ZNF618: variants seen among roughly 807,000 people sequenced by gnomAD.
The protein encoded by ZNF618 is zinc finger protein 618.
ZNF618 carries 34 observed loss-of-function variants against 103.0 expected under a neutral mutation model. The observed-to-expected ratio is 0.33, with a 90% CI of 0.25 to 0.44. ZNF618 has a LOEUF of 0.44. Ranked by LOEUF, ZNF618 falls within the 20% of genes least tolerant of loss-of-function variation. The pLI, the probability that ZNF618 is intolerant of heterozygous loss-of-function variation, is 1.00. For synonymous variants in ZNF618, 551 were observed against 542.2 expected, an observed-to-expected ratio of 1.02 and a Z score of -0.23; for missense variants, 1,059 against 1,295.4, an observed-to-expected ratio of 0.82 and a Z score of 2.80.
intron 3 of ZNF618, among the ~76,000 whole-genome samples, chr9:113,994,736 T>G (rs994686334): frequency 3.3e-5 from 5 of 152,152 alleles, no homozygotes; most frequent in African/African-American, 1.2e-4. Context: ...CTCAGGACAT[T>G]GATGCCTCTG....
At chr9:113,900,949 CG>C in intron 1 of ZNF618, among the ~76,000 whole-genome samples, 3 of 58,972 alleles carry the variant, frequency 5.1e-5, no homozygotes, top group Admixed American at 2.1e-4. Context: ...TCCTCTCCCG[CG>C]AACCCGACCT....
intron 1 of ZNF618, among the ~76,000 whole-genome samples, chr9:113,944,622 A>C (rs1255687136): frequency 6.6e-6 from 1 of 152,198 alleles, no homozygotes; most frequent in Non-Finnish European, 1.5e-5. Flanking sequence ...ATCTAATAGA[A>C]ATGTCATGCA....
At position 114,028,968 on chromosome 9, in the gene ZNF618, C is replaced by T. The variant is rs757751131; in HGVS notation, c.1080C>T (p.Thr360=). The change falls in exon 11 of 15, where the codon ACC becomes ACT. Residue 360 remains threonine, a synonymous_variant. Coordinates refer to ENST00000374126, the MANE Select transcript of ZNF618 (RefSeq NM_001318042.2). ...CGGGATCTCCGGCGAGCAAGGCAAC[C>T]GCAGGTACCAATGGCCTATGTGACC... is the stretch of plus-strand genomic sequence containing the variant. The part of the protein sequence containing the change: ...PNSGSPASKA[T]AAESAFSRRV... 5.8e-6 allele frequency: 9 copies of T among 1,550,242 alleles called. 1 individual carries two copies. The highest frequency in any genetic ancestry group is 3.6e-5 in the South Asian group (3 of 84,030).
Position 114,054,040 on chromosome 9 carries a change from G to C in ZNF618, c.*3873G>C, listed in dbSNP as rs1441734904. ...CTCCAGGATTCAAGGAAGCCACCAGGTGTGCAGGCTGGGAAGAGACATCTC... is the reference window on the plus strand; with the variant it reads ...CTCCAGGATTCAAGGAAGCCACCAGCTGTGCAGGCTGGGAAGAGACATCTC... On this transcript the variant is annotated 3_prime_UTR_variant, in exon 15 of 15. Transcript: ENST00000374126. The C allele has an allele frequency of 1.3e-5, 2 of 152,608 alleles. No individual in the cohort carries two copies. The highest frequency in any genetic ancestry group is 2.9e-5 in the Non-Finnish European group (2 of 68,080). 9.5% of individuals were successfully genotyped at this position (152,608 alleles called of 1,614,324 possible). A position where few individuals can be genotyped will look rare whatever the true frequency, so the allele number is the denominator to read the frequency against.
chr9:114,031,016 C>A (rs548843263), intron 11 of ZNF618: 1 of 152,176 alleles, frequency 6.6e-6, no homozygotes, highest in South Asian at 2.1e-4. Flanking sequence ...AGCACCTCCC[C>A]CTAAAGTGAA....
chr9:113,927,062 C>T (rs554040145), intron 1 of ZNF618, among the ~76,000 whole-genome samples: 23 of 152,100 alleles, frequency 1.5e-4, no homozygotes, highest in Middle Eastern at 3.4e-3. Flanking sequence ...ATGTCATATC[C>T]GAGTCTGGTT....
At chr9:113,932,423 CA>C (rs1833674599) in intron 1 of ZNF618, among the ~76,000 whole-genome samples, 1 of 152,124 alleles carries the variant, frequency 6.6e-6, no homozygotes, top group South Asian at 2.1e-4. Flanking sequence ...AGGTTTTGAG[CA>C]GAGGTGTTGA....
intron 12 of ZNF618, among the ~76,000 whole-genome samples, chr9:114,035,405 G>A (rs1844494352): frequency 6.6e-6 from 1 of 152,166 alleles, no homozygotes; most frequent in Admixed American, 6.5e-5. Flanking sequence ...CCCTGGGCGG[G>A]TGGAGCAGTT....
intron 1 of ZNF618, among the ~76,000 whole-genome samples, chr9:113,952,928 A>G (rs1283775678): frequency 4.6e-5 from 7 of 152,240 alleles, no homozygotes; most frequent in Non-Finnish European, 2.9e-5. Context: ...TAGATGAATA[A>G]TCTCTAGTTA....
chr9:113,911,954 T>C (rs1831589867), intron 1 of ZNF618, among the ~76,000 whole-genome samples: 1 of 152,236 alleles, frequency 6.6e-6, no homozygotes, highest in Non-Finnish European at 1.5e-5. Flanking sequence ...ACCACTTCTT[T>C]AGTGTTAGCT....
chr9:113,965,915 T>C (rs548940701), intron 1 of ZNF618, among the ~76,000 whole-genome samples: 2 of 152,280 alleles, frequency 1.3e-5, no homozygotes, highest in African/African-American at 4.8e-5. Flanking sequence ...GGAGAAGGCC[T>C]TCGGGCTGTG....
chr9:113,936,130 G>C (rs996966757), intron 1 of ZNF618, among the ~76,000 whole-genome samples: 1 of 152,116 alleles, frequency 6.6e-6, no homozygotes, highest in African/African-American at 2.4e-5. Flanking sequence ...CCACAGGCTG[G>C]GATTCCTTGT....
At chr9:113,969,634 A>G (rs1837760459) in intron 2 of ZNF618, among the ~76,000 whole-genome samples, 1 of 152,166 alleles carries the variant, frequency 6.6e-6, no homozygotes, top group Non-Finnish European at 1.5e-5. Flanking sequence ...CCTCACCCTC[A>G]AGGATGGCAG....
At chr9:114,019,932 A>G (rs1347047793) in intron 10 of ZNF618, among the ~76,000 whole-genome samples, 2 of 152,174 alleles carry the variant, frequency 1.3e-5, no homozygotes, top group Non-Finnish European at 2.9e-5. Flanking sequence ...TCAAAATGGT[A>G]AAGATACCCT....
intron 3 of ZNF618, among the ~76,000 whole-genome samples, chr9:113,994,928 T>TA (rs77497554): frequency 3.5e-3 from 486 of 139,580 alleles, no homozygotes; most frequent in East Asian, 0.015. Context: ...GGATATTGTG[T>TA]AAAAAAAAAA....
intron 1 of ZNF618, among the ~76,000 whole-genome samples, chr9:113,934,872 T>C (rs1178805096): frequency 6.6e-6 from 1 of 152,148 alleles, no homozygotes; most frequent in Non-Finnish European, 1.5e-5. Context: ...CGCCAGAGTA[T>C]CCTATTTGTA....
intron 1 of ZNF618, among the ~76,000 whole-genome samples, chr9:113,967,981 C>T (rs1378058956): frequency 6.6e-6 from 1 of 151,966 alleles, no homozygotes. Flanking sequence ...GAATCGAAGT[C>T]CGCCATCTGA....
intron 13 of ZNF618, among the ~76,000 whole-genome samples, chr9:114,041,287 A>G (rs1845158468): frequency 6.6e-6 from 1 of 151,836 alleles, no homozygotes; most frequent in South Asian, 2.1e-4. Context: ...TTGCCTATTC[A>G]CTCTGATGGT....
intron 1 of ZNF618, among the ~76,000 whole-genome samples, chr9:113,898,342 T>G (rs997401106): frequency 7.2e-5 from 11 of 152,188 alleles, no homozygotes; most frequent in Non-Finnish European, 1.6e-4. Context: ...GCCTCATTTA[T>G]TCATTCAAAA....
Sources: gnomAD v4.1 joint callset for allele counts (sites outside exome capture counted in the v4.1 genomes callset) on GRCh38, gnomAD v4.1.1 for gene constraint, MANE v1.5 for transcripts, NCBI Gene and HGNC (gene_info 2026-07-23, HGNC 2026-07-21) for gene names.